The following L3MBTL4 variants were observed in gnomAD, a reference collection of about 807,000 sequenced individuals.
L3MBTL4 encodes the protein lethal(3)malignant brain tumor-like protein 4.
Under a neutral mutation model 84.5 loss-of-function variants are expected in L3MBTL4, and 70 were observed. That is an observed-to-expected ratio of 0.83 (90% confidence interval 0.68 to 1.01). The LOEUF (loss-of-function observed/expected upper bound fraction) is 1.01, where lower values mean the gene tolerates loss of function less well. Ranked by LOEUF, L3MBTL4 falls within the 50% of genes least tolerant of loss-of-function variation. The probability of loss-of-function intolerance (pLI) is 0.00; values close to 1 mark genes in which losing one functional copy is unlikely to be tolerated. For synonymous variants in L3MBTL4, 274 were observed against 259.8 expected, an observed-to-expected ratio of 1.05 and a Z score of -0.52; for missense variants, 715 against 754.8, an observed-to-expected ratio of 0.95 and a Z score of 0.62.
intron 17 of L3MBTL4, among the ~76,000 whole-genome samples, chr18:5,967,316 C>T (rs1156471119): frequency 6.6e-6 from 1 of 152,224 alleles, no homozygotes; most frequent in African/African-American, 2.4e-5. Flanking sequence ...GGTATCTCAA[C>T]TTCCCCATGA....
intron 12 of L3MBTL4, among the ~76,000 whole-genome samples, chr18:6,174,348 A>G (rs1245474892): frequency 6.6e-6 from 1 of 152,156 alleles, no homozygotes; most frequent in East Asian, 1.9e-4. Flanking sequence ...ATATGTTCAA[A>G]AACTTAATTG....
At chr18:6,101,791 T>C (rs941033528) in intron 14 of L3MBTL4, among the ~76,000 whole-genome samples, 3 of 152,220 alleles carry the variant, frequency 2.0e-5, no homozygotes, top group Admixed American at 2.0e-4. Context: ...TCCTGTTGAT[T>C]ACAGGTATTC....
chr18:6,146,762 C>T (rs2042671913), intron 13 of L3MBTL4, among the ~76,000 whole-genome samples: 1 of 152,070 alleles, frequency 6.6e-6, no homozygotes, highest in Non-Finnish European at 1.5e-5. Flanking sequence ...TATTTCAGTA[C>T]AGGGAAAATT....
chr18:6,195,404 GC>G (rs1227534450), intron 12 of L3MBTL4, among the ~76,000 whole-genome samples: 2 of 152,198 alleles, frequency 1.3e-5, no homozygotes, highest in Non-Finnish European at 2.9e-5. Flanking sequence ...TTGATTACTT[GC>G]CTGTAACTGC....
intron 16 of L3MBTL4, among the ~76,000 whole-genome samples, chr18:6,007,670 G>A (rs1253133187): frequency 1.3e-5 from 2 of 152,160 alleles, no homozygotes; most frequent in Admixed American, 1.3e-4. Flanking sequence ...CCATAGCATT[G>A]TTTGTAATAA....
At chr18:6,323,952 A>G (rs2051569906) in intron 1 of L3MBTL4, among the ~76,000 whole-genome samples, 1 of 149,190 alleles carries the variant, frequency 6.7e-6, no homozygotes, top group Non-Finnish European at 1.5e-5. Context: ...CCAAGGAGGG[A>G]AGAATGGTTT....
intron 16 of L3MBTL4, chr18:6,029,652 A>T (rs928419011): frequency 1.0e-6 from 1 of 985,242 alleles, no homozygotes; most frequent in African/African-American, 1.7e-5. Flanking sequence ...ATTACAGGAC[A>T]GGAAATATTT....
chr18:6,080,883 C>T lies in L3MBTL4; in HGVS notation c.1442G>A (p.Arg481Lys). 1.2e-6 allele frequency: 2 copies of T among 1,602,286 alleles called. No homozygotes were observed. Among genetic ancestry groups the T allele is most frequent in the Non-Finnish European group, 1.7e-6 (2 of 1,172,760 alleles). ...TTTGCTAGTGTTTTTGTTTTTACCT[C>T]TGAAGAGATTATCCAAGTCAATATC... ...KEDIDLDNLFREYSVEQAQQV... is the reference protein window; with the variant it reads ...KEDIDLDNLFKEYSVEQAQQV... Residue 481 changes from arginine to lysine, a missense_variant and splice_region_variant, in exon 16 of 19, where the codon AGA becomes AAA. Coordinates refer to ENST00000317931, the MANE Select transcript of L3MBTL4 (RefSeq NM_001330559.2).
At chr18:6,178,868 A>G (rs920405346) in intron 12 of L3MBTL4, among the ~76,000 whole-genome samples, 4 of 152,124 alleles carry the variant, frequency 2.6e-5, no homozygotes, top group Admixed American at 2.0e-4. Flanking sequence ...TTTACTTCCC[A>G]ATGCCCACAG....
chr18:6,250,863 T>C (rs1271746226), intron 5 of L3MBTL4, among the ~76,000 whole-genome samples: 1 of 152,216 alleles, frequency 6.6e-6, no homozygotes, highest in Non-Finnish European at 1.5e-5. Context: ...GCTCAAATGG[T>C]TTATCTCAGC....
chr18:6,046,992 T>G (rs1205929521), intron 16 of L3MBTL4, among the ~76,000 whole-genome samples: 12 of 152,028 alleles, frequency 7.9e-5, no homozygotes, highest in Non-Finnish European at 1.8e-4. Context: ...TAAACAAGAT[T>G]GATAGACAGC....
At chr18:6,379,769 T>A (rs2054521034) in intron 1 of L3MBTL4, among the ~76,000 whole-genome samples, 1 of 152,228 alleles carries the variant, frequency 6.6e-6, no homozygotes, top group Non-Finnish European at 1.5e-5. Context: ...GATATTGGAA[T>A]GAAAATTTCT....
At chr18:6,048,658 G>A (rs1057100758) in intron 16 of L3MBTL4, among the ~76,000 whole-genome samples, 23 of 151,824 alleles carry the variant, frequency 1.5e-4, no homozygotes, top group Non-Finnish European at 2.9e-4. Flanking sequence ...GTGTGGTGGC[G>A]GGCACCTATA....
At chr18:6,075,653 A>G (rs1260618259) in intron 16 of L3MBTL4, among the ~76,000 whole-genome samples, 1 of 152,188 alleles carries the variant, frequency 6.6e-6, no homozygotes, top group Non-Finnish European at 1.5e-5. Context: ...TAATCAAAAT[A>G]GAACTGATAG....
Position 6,256,550 on chromosome 18 carries a change from A to G in L3MBTL4, c.219+7397T>C, listed in dbSNP as rs1160603385. On this transcript the variant is annotated intron_variant, in intron 5 of 18. Transcript: ENST00000317931. ...GTCTTTCTTTCTGAAATCATACTAGATTATAATAATAGCTATGAAGAGGGG... is the reference window on the plus strand; with the variant it reads ...GTCTTTCTTTCTGAAATCATACTAGGTTATAATAATAGCTATGAAGAGGGG... 6.6e-5 allele frequency among the ~76,000 whole-genome samples: 10 copies of G among 151,270 alleles called. No homozygotes were observed. The South Asian group carries it at 1.9e-3, about 29-fold the overall frequency.
chr18:6,096,164 G>A (rs1450908353), intron 14 of L3MBTL4, among the ~76,000 whole-genome samples: 1 of 151,934 alleles, frequency 6.6e-6, no homozygotes, highest in African/African-American at 2.4e-5. Context: ...TATCTGTCCA[G>A]CATCTGTAGA....
At chr18:6,156,486 G>A (rs1434384966) in intron 13 of L3MBTL4, among the ~76,000 whole-genome samples, 4 of 152,120 alleles carry the variant, frequency 2.6e-5, no homozygotes, top group African/African-American at 7.2e-5. Flanking sequence ...GTAGGGTGAC[G>A]TAGGGCAGGG....
At chr18:6,132,257 A>G (rs920532215) in intron 14 of L3MBTL4, among the ~76,000 whole-genome samples, 1 of 152,234 alleles carries the variant, frequency 6.6e-6, no homozygotes, top group Non-Finnish European at 1.5e-5. Context: ...TCCCCTTTAT[A>G]AAACGCAAGG....
chr18:6,095,708 T>A (rs2058619413), intron 14 of L3MBTL4, among the ~76,000 whole-genome samples: 1 of 152,100 alleles, frequency 6.6e-6, no homozygotes, highest in Admixed American at 6.5e-5. Flanking sequence ...CATAGCACAG[T>A]CCTTGTGCAG....
Sources: gnomAD v4.1 joint callset for allele counts (sites outside exome capture counted in the v4.1 genomes callset) on GRCh38, gnomAD v4.1.1 for gene constraint, MANE v1.5 for transcripts, NCBI Gene and HGNC (gene_info 2026-07-23, HGNC 2026-07-21) for gene names.